Variants in ECE2 observed in about 807,000 individuals in gnomAD.
ECE2 encodes the protein endothelin-converting enzyme 2.
Under a neutral mutation model 100.6 loss-of-function variants are expected in ECE2, and 81 were observed. That is an observed-to-expected ratio of 0.81 (90% CI 0.67 to 0.97). ECE2 has a LOEUF of 0.97. ECE2 is among the 50% of genes least tolerant of loss of function. The pLI, the probability that ECE2 is intolerant of heterozygous loss-of-function variation, is 0.00. For synonymous variants in ECE2, 391 were observed against 391.5 expected, an observed-to-expected ratio of 1.00 and a Z score of 0.02; for missense variants, 911 against 988.1, an observed-to-expected ratio of 0.92 and a Z score of 1.05.
At chr3:184,290,418 C>T (rs1444629775) in intron 14 of ECE2, 60 bp downstream of exon 14, 18 of 1,584,420 alleles carry the variant, frequency 1.1e-5, no homozygotes, top group Non-Finnish European at 1.6e-5. Flanking sequence ...GGGAAGGTTC[C>T]TGGGATGGGG....
chr3:184,291,290 C>CGGGT lies in ECE2; in HGVS notation c.2026-46_2026-43dup. On this transcript the variant is annotated intron_variant, in intron 17 of 18. Transcript: ENST00000404464. This position sits in a 1 kb window ranked among gnomAD's most constrained non-coding sequence, Gnocchi z 4.1. ...CCTGCTGGCCTGGGGTGAAAGGTGC[C>CGGGT]GGGTGGGTGGGGGCAGGCCTGGATG... 1 of 1,587,038 alleles carries CGGGT rather than the reference C, an allele frequency of 6.3e-7. No individual in the cohort carries two copies. Among genetic ancestry groups the CGGGT allele is most frequent in the Non-Finnish European group, 8.6e-7 (1 of 1,164,438 alleles).
Position 184,287,946 on chromosome 3 carries a change from T to C in ECE2, c.1373T>C (p.Ile458Thr), listed in dbSNP as rs1176918819. ...KATFDRQSKE[I>T]AEGMISEIRT... ...ACGTTTGACCGGCAAAGCAAAGAAATTGTGAGTCTACAAGATTCTTTCAAC... is the reference window on the plus strand; with the variant it reads ...ACGTTTGACCGGCAAAGCAAAGAAACTGTGAGTCTACAAGATTCTTTCAAC... Residue 458 changes from isoleucine to threonine, a missense_variant and splice_region_variant, in exon 11 of 19, where the codon ATT becomes ACT. Physicochemically the swap from Ile to Thr is moderately conservative, Grantham distance 89 (BLOSUM62 -1). Coordinates refer to ENST00000404464, the MANE Select transcript of ECE2 (RefSeq NM_001100121.2). 25 of 1,613,624 alleles carry C rather than the reference T, an allele frequency of 1.5e-5. No individual in the cohort carries two copies. The highest frequency in any genetic ancestry group is 1.6e-4 in the Middle Eastern group (1 of 6,062).
rs1445272852 is a variant in ECE2 at position 184,291,615 on chromosome 3, C to T, written c.2121+176C>T. Reference sequence around the variant, plus strand: ...AGAGCCTCCGGCCAGCCAGGGCCCACAAAGGCAGCCTGAAGAGGCCTGAGC... The same window carrying T: ...AGAGCCTCCGGCCAGCCAGGGCCCATAAAGGCAGCCTGAAGAGGCCTGAGC... On this transcript the variant is annotated intron_variant, in intron 18 of 18. Transcript: ENST00000404464. This position sits in a 1 kb window ranked among gnomAD's most constrained non-coding sequence, Gnocchi z 4.1. 9.8e-6 allele frequency: 6 copies of T among 611,650 alleles called. No homozygotes were observed. The East Asian group carries it at 1.8e-4, about 18-fold the overall frequency. The allele number at this position is 611,650 out of a possible 1,614,324, so 37.9% of individuals were successfully genotyped here.
Position 184,291,332 on chromosome 3 carries a change from T to A in ECE2, c.2026-12T>A, listed in dbSNP as rs1340002834. ...GCCTGGATGGGCTTGTTGCCCACTG[T>A]TCTGTCCCCAGGCTTACAAAGCATG... On this transcript the variant is annotated splice_polypyrimidine_tract_variant and intron_variant, in intron 17 of 18. Transcript: ENST00000404464. The surrounding 1 kb of genome is among the most constrained non-coding windows in gnomAD (Gnocchi z 4.1). 1 of 1,601,526 alleles carries A rather than the reference T, an allele frequency of 6.2e-7. No homozygotes were observed. The highest frequency in any genetic ancestry group is 1.3e-5 in the African/African-American group (1 of 74,772).
chr3:184,281,883 G>A, intron 7 of ECE2, among the ~76,000 whole-genome samples: 1 of 152,254 alleles, frequency 6.6e-6, no homozygotes, highest in East Asian at 1.9e-4. Context: ...CAGATTACCT[G>A]AGGTCAGGAG....
Position 184,291,077 on chromosome 3 carries a change from G to A in ECE2, c.1872G>A (p.Trp624Ter). 1 of 1,587,030 alleles carries A rather than the reference G, an allele frequency of 6.3e-7. No homozygotes were observed. Among genetic ancestry groups the A allele is most frequent in the Non-Finnish European group, 8.6e-7 (1 of 1,164,632 alleles). Residue 624 changes from tryptophan (W) to a stop codon, truncating the protein, a stop_gained, in exon 17 of 19, where the codon TGG becomes TGA. Coordinates refer to ENST00000404464, the MANE Select transcript of ECE2 (RefSeq NM_001100121.2). LOFTEE classifies it high-confidence loss of function. The surrounding 1 kb of genome is among the most constrained non-coding windows in gnomAD (Gnocchi z 4.1). ...ACAAAGAAGGGAACCTGCGGCCCTG[G>A]TGGCAGAATGAGTCCCTGGCAGCCT... is the stretch of plus-strand genomic sequence containing the variant. ...EYDKEGNLRP[W>*]WQNESLAAFR...
chr3:184,290,832 T>C lies in ECE2; in HGVS notation c.1806T>C (p.His602=). The change falls in exon 16 of 19, where the codon CAT becomes CAC. Residue 602 remains histidine (H), a synonymous_variant. Coordinates refer to ENST00000404464, the MANE Select transcript of ECE2 (RefSeq NM_001100121.2). ...GTGGCATCGGTGTGGTCATGGGCCA[T>C]GAGTTGACGCATGCCTTTGATGACC... ...NFGGIGVVMG[H]ELTHAFDDQG... 3 of 1,614,144 alleles carry C rather than the reference T, an allele frequency of 1.9e-6. No homozygotes were observed. The highest frequency in any genetic ancestry group is 2.2e-5 in the East Asian group (1 of 44,870).
chr3:184,283,948 A>G lies in ECE2; in HGVS notation c.980A>G (p.His327Arg), dbSNP rs1424186943. ...CGGCGCGACGAGGAGAAGATCTACC[A>G]CAAGATGAGCATTTCGGAGCTGCAG... Reference protein sequence around the residue: ...DQRRDEEKIYHKMSISELQAL... With the variant: ...DQRRDEEKIYRKMSISELQAL... Residue 327 changes from histidine to arginine, a missense_variant, in exon 8 of 19, where the codon CAC (histidine) becomes CGC (arginine). Transcript: ENST00000404464. 6.2e-7 allele frequency: 1 copy of G among 1,613,860 alleles called. No homozygotes were observed. The highest frequency in any genetic ancestry group is 8.5e-7 in the Non-Finnish European group (1 of 1,179,988).
intron 1 of ECE2, 79 bp from the exon 2 acceptor site, chr3:184,276,402 G>A (rs1045941738): frequency 1.1e-5 from 17 of 1,531,250 alleles, no homozygotes; most frequent in Admixed American, 3.9e-5. Flanking sequence ...GGTCCGCGAG[G>A]CAGGGAGCAC....
In ECE2 at chr3:184,283,935, GAGA is replaced by G. The variant is rs758872276; in HGVS notation, c.971_973del (p.Lys324del). ...GCCCCAGGACCAGCGGCGCGACGAG[GAGA>G]AGATCTACCACAAGATGAGCATTTC... On this transcript the variant is annotated inframe_deletion, in exon 8 of 19. Coordinates refer to ENST00000404464, the MANE Select transcript of ECE2 (RefSeq NM_001100121.2). The G allele has an allele frequency of 1.2e-6, 2 of 1,614,044 alleles. No homozygotes were observed. Among genetic ancestry groups the G allele is most frequent in the African/African-American group, 1.3e-5 (1 of 75,010 alleles).
chr3:184,278,426 G>A (rs1176632553), intron 6 of ECE2, 66 bp from the exon 7 acceptor site: 5 of 1,580,930 alleles, frequency 3.2e-6, no homozygotes, highest in South Asian at 1.1e-5. Context: ...CCCTACCCCC[G>A]CTCGGGAATT....
intron 5 of ECE2, 57 bp downstream of exon 5, chr3:184,278,106 A>T: frequency 1.2e-6 from 2 of 1,613,282 alleles, no homozygotes; most frequent in South Asian, 2.2e-5. Context: ...GAGAGAGGAG[A>T]TGGCCCAGGA....
chr3:184,285,627 C>A, intron 10 of ECE2, 35 bp downstream of exon 10: 1 of 1,461,238 alleles, frequency 6.8e-7, no homozygotes, highest in Non-Finnish European at 9.6e-7. Context: ...CGTTCTGATC[C>A]AGTCTAACCG....
intron 3 of ECE2, 47 bp downstream of exon 3, chr3:184,277,074 G>T (rs375462560): frequency 6.2e-7 from 1 of 1,611,448 alleles, no homozygotes; most frequent in South Asian, 1.1e-5. Flanking sequence ...TAGGGGTTCT[G>T]GAGGCCTAAG....
chr3:184,290,510 G>T, intron 14 of ECE2, 47 bp from the exon 15 acceptor site: 1 of 1,593,842 alleles, frequency 6.3e-7, no homozygotes, highest in Non-Finnish European at 8.6e-7. Context: ...GAGGGGAGCA[G>T]TGTCAGGAGA....
rs543332551 is a variant in ECE2, at chr3:184,281,610, G to C, written c.817-2175G>C. On this transcript the variant is annotated intron_variant, in intron 7 of 18. Transcript: ENST00000404464. Reference sequence around the variant, plus strand: ...ACTCAAAAGTGATGTGAACAGATGTGTGATTTTGACATCATCTGAGTCAGG... The same window carrying C: ...ACTCAAAAGTGATGTGAACAGATGTCTGATTTTGACATCATCTGAGTCAGG... Among the ~76,000 whole-genome samples, 6 of 152,376 alleles carry C rather than the reference G, an allele frequency of 3.9e-5. No homozygotes were observed. The East Asian group carries it at 9.6e-4, about 24-fold the overall frequency.
At position 184,292,114 on chromosome 3, in the gene ECE2, A is replaced by ACC; in HGVS notation, c.2178_2179dup (p.His727ProfsTer31). 12 of 1,613,452 alleles carry ACC rather than the reference A, an allele frequency of 7.4e-6. No homozygotes were observed. Among genetic ancestry groups the ACC allele is most frequent in the Non-Finnish European group, 1.0e-5 (12 of 1,179,880 alleles). ...AGCTCTCACGAGGGGCTGGTGACCG[A>ACC]CCCCCACAGCCCTGCCCGCTTCCGC... On this transcript the variant is annotated frameshift_variant, in exon 19 of 19. Coordinates refer to ENST00000404464, the MANE Select transcript of ECE2 (RefSeq NM_001100121.2). LOFTEE classifies it high-confidence loss of function.
chr3:184,291,144 T>C lies in ECE2; in HGVS notation c.1939T>C (p.Tyr647His). 6.2e-7 allele frequency: 1 copy of C among 1,613,730 alleles called. No homozygotes were observed. Among genetic ancestry groups the C allele is most frequent in the South Asian group, 1.1e-5 (1 of 90,976 alleles). The stretch of plus-strand genomic sequence containing the variant: ...CTGCATGGAGGAACAGTACAATCAA[T>C]ACCAGGTCAATGGGGAGAGGCTCAA... ...TACMEEQYNQ[Y>H]QVNGERLNGR... Residue 647 changes from tyrosine to histidine, a missense_variant, in exon 17 of 19, where the codon TAC (tyrosine) becomes CAC (histidine). Transcript: ENST00000404464. The surrounding 1 kb of genome is among the most constrained non-coding windows in gnomAD (Gnocchi z 4.1).
At chr3:184,285,852 T>A (rs1355828213) in intron 10 of ECE2, among the ~76,000 whole-genome samples, 1 of 152,052 alleles carries the variant, frequency 6.6e-6, no homozygotes, top group Non-Finnish European at 1.5e-5. Context: ...TCAGGAAGAG[T>A]ATTAGCTGAG....
Sources: gnomAD v4.1 joint callset for allele counts (sites outside exome capture counted in the v4.1 genomes callset) on GRCh38, gnomAD v4.1.1 for gene constraint, Gnocchi (gnomAD v3.1) non-coding constraint, MANE v1.5 for transcripts, NCBI Gene and HGNC (gene_info 2026-07-23, HGNC 2026-07-21) for gene names.